WWOX: variants seen among roughly 807,000 people sequenced by gnomAD.
The protein encoded by WWOX is WW domain containing oxidoreductase, also known as WW domain-containing oxidoreductase.
A neutral mutation model predicts 46.2 loss-of-function variants in WWOX; 69 were observed. The observed-to-expected ratio is 1.49, with a 90% CI of 1.23 to 1.82. The LOEUF is 1.82. WWOX is among the 40% of genes most tolerant of loss of function. The probability of loss-of-function intolerance (pLI) is 0.00; values close to 1 mark genes in which losing one functional copy is unlikely to be tolerated. For missense variants in WWOX, 919 were observed against 542.6 expected (o/e 1.69, Z -6.89); for synonymous variants, 359 against 202.6 (o/e 1.77, Z -6.56).
intron 6 of WWOX, among the ~76,000 whole-genome samples, chr16:78,412,385 T>C (rs150446112): frequency 9.9e-5 from 15 of 152,252 alleles, no homozygotes; most frequent in African/African-American, 3.4e-4. Context: ...CAGGTGGGAA[T>C]GAGATTCTGG....
intron 8 of WWOX, among the ~76,000 whole-genome samples, chr16:78,458,266 T>G (rs945166311): frequency 8.1e-5 from 8 of 98,998 alleles, no homozygotes; most frequent in African/African-American, 2.5e-4. Flanking sequence ...TAGTTTTTTT[T>G]TTTTTTTTTT....
chr16:78,199,320 C>G (rs1256458380), intron 5 of WWOX, among the ~76,000 whole-genome samples: 1 of 106,378 alleles, frequency 9.4e-6, no homozygotes, highest in Admixed American at 8.5e-5. Context: ...CTCAAACAAA[C>G]AAACAAACAA....
chr16:78,314,136 A>T (rs1017366711), intron 5 of WWOX, among the ~76,000 whole-genome samples: 1 of 152,074 alleles, frequency 6.6e-6, no homozygotes, highest in East Asian at 1.9e-4. Context: ...GCCGGGCACG[A>T]TGGCTGACGC....
chr16:78,715,924 G>C (rs2048550800), intron 8 of WWOX, among the ~76,000 whole-genome samples: 1 of 152,192 alleles, frequency 6.6e-6, no homozygotes, highest in Non-Finnish European at 1.5e-5. Context: ...CAGAGGTAGA[G>C]CCTTGGGAAG....
chr16:78,579,061 G>T (rs2044979530), intron 8 of WWOX, among the ~76,000 whole-genome samples: 1 of 151,792 alleles, frequency 6.6e-6, no homozygotes, highest in South Asian at 2.1e-4. Flanking sequence ...TTGTTTGTTT[G>T]TTTTTTCTTG....
At chr16:79,040,961 G>A (rs559008062) in intron 8 of WWOX, among the ~76,000 whole-genome samples, 5 of 152,182 alleles carry the variant, frequency 3.3e-5, no homozygotes, top group African/African-American at 1.2e-4. Context: ...GCTGTGGGGG[G>A]ACAATGAGGT....
At chr16:78,927,231 C>A (rs1307214542) in intron 8 of WWOX, among the ~76,000 whole-genome samples, 1 of 152,206 alleles carries the variant, frequency 6.6e-6, no homozygotes, top group African/African-American at 2.4e-5. Context: ...CAATGCCTGG[C>A]TGGTTGTTAC....
Position 78,475,628 on chromosome 16 carries a change from G to A in WWOX, c.1056+42876G>A, listed in dbSNP as rs371962588. On this transcript the variant is annotated intron_variant, in intron 8 of 8. Transcript: ENST00000566780. The stretch of plus-strand genomic sequence containing the variant: ...TTTAGTTCATTTCATTTAAGACAGC[G>A]TCTGTTACCCAGGCTGGAGTGCAGT... Among the ~76,000 whole-genome samples, 7 of 152,076 alleles carry A rather than the reference G, an allele frequency of 4.6e-5. No individual in the cohort carries two copies. The East Asian group carries it at 7.7e-4, about 17-fold the overall frequency.
At chr16:78,626,011 A>C (rs117685839) in intron 8 of WWOX, among the ~76,000 whole-genome samples, 2,104 of 151,814 alleles carry the variant, frequency 0.014, 48 homozygotes, top group East Asian at 0.061. Flanking sequence ...ACTTTTTACC[A>C]ACCTAATATT....
intron 4 of WWOX, among the ~76,000 whole-genome samples, chr16:78,145,465 A>G (rs1173362724): frequency 6.6e-6 from 1 of 152,174 alleles, no homozygotes; most frequent in Non-Finnish European, 1.5e-5. Flanking sequence ...AGGATCCAGC[A>G]TGGGAGAAAG....
chr16:78,651,472 G>A (rs758549178), intron 8 of WWOX, among the ~76,000 whole-genome samples: 1 of 152,202 alleles, frequency 6.6e-6, no homozygotes, highest in Non-Finnish European at 1.5e-5. Flanking sequence ...CTGGAAGTGT[G>A]AGCAGATTGT....
intron 5 of WWOX, among the ~76,000 whole-genome samples, chr16:78,256,243 C>T (rs1272026572): frequency 1.3e-5 from 2 of 151,408 alleles, no homozygotes; most frequent in East Asian, 3.9e-4. Context: ...TCTTGTGTGG[C>T]CTGTCTACCA....
intron 8 of WWOX, among the ~76,000 whole-genome samples, chr16:78,720,871 T>A (rs149128425): frequency 6.6e-6 from 1 of 152,104 alleles, no homozygotes; most frequent in South Asian, 2.1e-4. Context: ...AAAGATGGAT[T>A]AAAATTAATT....
At chr16:78,744,640 C>T (rs1386592181) in intron 8 of WWOX, among the ~76,000 whole-genome samples, 3 of 151,958 alleles carry the variant, frequency 2.0e-5, no homozygotes, top group Non-Finnish European at 2.9e-5. Flanking sequence ...CCATGTTGGC[C>T]AGGCTAGTCT....
At chr16:78,464,736 A>G (rs1352339423) in intron 8 of WWOX, among the ~76,000 whole-genome samples, 1 of 152,088 alleles carries the variant, frequency 6.6e-6, no homozygotes, top group Non-Finnish European at 1.5e-5. Flanking sequence ...TCATATTCAT[A>G]AAGGGCCCCA....
At chr16:79,041,112 C>T (rs914106784) in intron 8 of WWOX, among the ~76,000 whole-genome samples, 1 of 152,038 alleles carries the variant, frequency 6.6e-6, no homozygotes, top group Non-Finnish European at 1.5e-5. Context: ...CGTGTGTTGT[C>T]ATGTAATGTA....
At chr16:78,806,335 A>G (rs2051037218) in intron 8 of WWOX, among the ~76,000 whole-genome samples, 1 of 152,190 alleles carries the variant, frequency 6.6e-6, no homozygotes, top group Admixed American at 6.5e-5. Flanking sequence ...ACTATATTCC[A>G]GTAACAATTG....
chr16:79,127,409 T>C (rs150105088), intron 8 of WWOX, among the ~76,000 whole-genome samples: 185 of 152,316 alleles, frequency 1.2e-3, no homozygotes, highest in Admixed American at 3.7e-3. Context: ...CAATATATCT[T>C]AGAGATGGTT....
intron 8 of WWOX, among the ~76,000 whole-genome samples, chr16:78,913,154 G>C (rs1369186204): frequency 6.6e-6 from 1 of 152,036 alleles, no homozygotes; most frequent in South Asian, 2.1e-4. Flanking sequence ...GATCATGGCA[G>C]TTGCTGTCGC....
Sources: allele counts gnomAD v4.1 joint callset (sites outside exome capture counted in the v4.1 genomes callset), GRCh38; gene constraint gnomAD v4.1.1; transcripts MANE v1.5; gene names NCBI Gene and HGNC (gene_info 2026-07-23, HGNC 2026-07-21).